The following CACNA1I variants were observed in gnomAD, a reference collection of about 807,000 sequenced individuals.
CACNA1I encodes the protein voltage-dependent T-type calcium channel subunit alpha-1I.
CACNA1I carries 74 observed loss-of-function variants against 201.6 expected under a neutral mutation model. The ratio of observed to expected loss-of-function variants is 0.37; its 90% CI spans 0.30 to 0.45. The LOEUF is 0.45. Ranked by LOEUF, CACNA1I falls within the 20% of genes least tolerant of loss-of-function variation. The probability of loss-of-function intolerance (pLI) is 1.00; values close to 1 mark genes in which losing one functional copy is unlikely to be tolerated. For synonymous variants in CACNA1I, 1,431 were observed against 1,345.2 expected (o/e 1.06, Z -1.40); for missense variants, 2,346 against 3,138.1 (o/e 0.75, Z 6.03).
chr22:39,598,627 C>G (rs1198473601), intron 2 of CACNA1I, among the ~76,000 whole-genome samples: 1 of 152,082 alleles, frequency 6.6e-6, no homozygotes, highest in Non-Finnish European at 1.5e-5. Context: ...ACATGCACAC[C>G]TGCAAAGAAC....
rs59969919 is a variant in CACNA1I at position 39,679,881 on chromosome 22, C to T, written c.5541+13C>T. On this transcript the variant is annotated intron_variant, in intron 33 of 36. Transcript: ENST00000402142. Reference sequence around the variant, plus strand: ...CGACAAGCAAGAGGTAATGGCAGCCCGGGAGGCCTGGCCCCTTGTGGCAGG... The same window carrying T: ...CGACAAGCAAGAGGTAATGGCAGCCTGGGAGGCCTGGCCCCTTGTGGCAGG... The T allele has an allele frequency of 1.1e-4, 171 of 1,608,328 alleles. 1 individual carries two copies. Among genetic ancestry groups the T allele is most frequent in the Middle Eastern group, 4.9e-4 (3 of 6,070 alleles).
intron 3 of CACNA1I, among the ~76,000 whole-genome samples, chr22:39,617,925 G>T (rs1403024859): frequency 6.7e-6 from 1 of 149,278 alleles, no homozygotes; most frequent in Non-Finnish European, 1.5e-5. Flanking sequence ...TCTAGCTCTA[G>T]GTCTCTGTCA....
chr22:39,662,278 C>A lies in CACNA1I; in HGVS notation c.3215C>A (p.Pro1072His). The change falls in exon 17 of 37, where the codon CCC becomes CAC. Residue 1072 changes from proline to histidine, a missense_variant. By Grantham distance (77) the Pro-to-His change is moderately conservative (BLOSUM62 -2). Transcript: ENST00000402142. ...RDSVDLAELV[P>H]AVGAHPRAAW... ...TCGGTGGACCTGGCCGAGCTGGTGC[C>A]CGCGGTGGGCGCCCACCCCCGGGCC... The A allele has an allele frequency of 6.6e-7, 1 of 1,516,054 alleles. No individual in the cohort carries two copies. 93.9% of individuals were successfully genotyped at this position (1,516,054 alleles called of 1,614,324 possible). A position where few individuals can be genotyped will look rare whatever the true frequency, so the allele number is the denominator to read the frequency against.
chr22:39,577,032 A>G (rs1932378797), intron 1 of CACNA1I, among the ~76,000 whole-genome samples: 1 of 151,614 alleles, frequency 6.6e-6, no homozygotes, highest in Non-Finnish European at 1.5e-5. Flanking sequence ...GCTCACTGCA[A>G]CCTTCGCCTC....
chr22:39,646,933 A>C, intron 8 of CACNA1I, 52 bp downstream of exon 8: 1 of 1,446,046 alleles, frequency 6.9e-7, no homozygotes, highest in South Asian at 1.5e-5. Context: ...GCCAAGTGTC[A>C]CTCCTTTCCA....
intron 1 of CACNA1I, among the ~76,000 whole-genome samples, chr22:39,597,420 C>T (rs1932916244): frequency 1.3e-5 from 2 of 152,136 alleles, no homozygotes; most frequent in South Asian, 4.1e-4. Context: ...AGCAGCCTGG[C>T]CAGGTGCAGG....
In CACNA1I at chr22:39,662,397, C is replaced by A. The variant is rs1164566363; in HGVS notation, c.3334C>A (p.Arg1112Ser). 3.4e-6 allele frequency: 5 copies of A among 1,461,890 alleles called. No individual in the cohort carries two copies. Among genetic ancestry groups the A allele is most frequent in the Non-Finnish European group, 4.5e-6 (5 of 1,116,464 alleles). The allele number at this position is 1,461,890 out of a possible 1,614,324, so 90.6% of individuals were successfully genotyped here. ...AKDVFTKMGD[R>S]GDRGEDEEEI... is the part of the protein sequence containing the mutation. ...AGACGTCTTCACCAAGATGGGCGAC[C>A]GCGGGGATCGCGGGGAGGATGAGGA... Residue 1112 changes from arginine (R) to serine (S), a missense_variant, in exon 17 of 37, where the codon CGC (arginine) becomes AGC (serine). Physicochemically the swap from Arg to Ser is moderately radical, Grantham distance 110. This residue lies in a region of CACNA1I where 288 missense variants were observed against 255.2 expected (regional missense o/e 1.13). Transcript: ENST00000402142.
intron 1 of CACNA1I, among the ~76,000 whole-genome samples, chr22:39,581,489 C>T (rs1932546654): frequency 2.6e-5 from 4 of 152,156 alleles, no homozygotes; most frequent in Admixed American, 2.6e-4. Flanking sequence ...CCCTGAGTCA[C>T]CCGTTTGACA....
Position 39,659,888 on chromosome 22 carries a change from G to A in CACNA1I, c.2604+36G>A. 6.2e-7 allele frequency: 1 copy of A among 1,613,060 alleles called. No homozygotes were observed. Among genetic ancestry groups the A allele is most frequent in the Non-Finnish European group, 8.5e-7 (1 of 1,179,428 alleles). On this transcript the variant is annotated intron_variant, in intron 14 of 36. Coordinates refer to ENST00000402142, the MANE Select transcript of CACNA1I (RefSeq NM_021096.4). This position sits in a 1 kb window ranked among gnomAD's most constrained non-coding sequence, Gnocchi z 4.3. ...TCTTGGCAGAGGAAGCACCCCCACAGGGTCTGCGAAAGACTGGGCGAGGGA... is the reference window on the plus strand; with the variant it reads ...TCTTGGCAGAGGAAGCACCCCCACAAGGTCTGCGAAAGACTGGGCGAGGGA...
At chr22:39,583,027 C>CCCAA (rs1932613303) in intron 1 of CACNA1I, among the ~76,000 whole-genome samples, 2 of 120,040 alleles carry the variant, frequency 1.7e-5, no homozygotes, top group East Asian at 2.4e-4. Flanking sequence ...CATCCAAGCA[C>CCCAA]CCAACCATCC....
At chr22:39,658,371 C>A in intron 11 of CACNA1I, 68 bp downstream of exon 11, 1 of 1,468,930 alleles carries the variant, frequency 6.8e-7, no homozygotes, top group Non-Finnish European at 9.4e-7. Flanking sequence ...AGACCCCAGC[C>A]AGCATATAAA....
intron 10 of CACNA1I, among the ~76,000 whole-genome samples, chr22:39,650,737 C>T (rs867887692): frequency 1.3e-5 from 2 of 152,218 alleles, no homozygotes; most frequent in Non-Finnish European, 2.9e-5. Context: ...CATGTCCCTC[C>T]TGTGGGCTGG....
intron 10 of CACNA1I, among the ~76,000 whole-genome samples, chr22:39,653,247 G>C: frequency 6.6e-6 from 1 of 152,120 alleles, no homozygotes; most frequent in Non-Finnish European, 1.5e-5. Context: ...ACCACCCCTG[G>C]GTGCATTTAC....
At chr22:39,644,849 G>A (rs952764921) in intron 7 of CACNA1I, among the ~76,000 whole-genome samples, 16 of 151,964 alleles carry the variant, frequency 1.1e-4, no homozygotes, top group African/African-American at 3.9e-4. Flanking sequence ...CACCATGCCT[G>A]GCTAATGTTT....
In CACNA1I at chr22:39,649,680, G is replaced by A. The variant is rs56859827; in HGVS notation, c.1747G>A (p.Ala583Thr). 2,304 of 1,514,872 alleles carry A rather than the reference G, an allele frequency of 1.5e-3. 9 individuals carry two copies. In the Middle Eastern group the frequency reaches 0.016, roughly 10 times the overall value. 93.8% of individuals were successfully genotyped at this position (1,514,872 alleles called of 1,614,324 possible). A position where few individuals can be genotyped will look rare whatever the true frequency, so the allele number is the denominator to read the frequency against. The change falls in exon 10 of 37, where the codon GCT becomes ACT. Residue 583 changes from alanine (A) to threonine (T), a missense_variant. Around this residue, in one of 13 missense-constraint regions of CACNA1I, gnomAD observed 312 missense variants for 331.5 expected, o/e 0.94. Coordinates refer to ENST00000402142, the MANE Select transcript of CACNA1I (RefSeq NM_021096.4). This position sits in a 1 kb window ranked among gnomAD's most constrained non-coding sequence, Gnocchi z 7.3. The part of the protein sequence containing the change: ...GQEGSGSGSS[A>T]GGEDEADGDG... Reference sequence around the variant, plus strand: ...GGAGGGCTCGGGCTCCGGGAGCTCCGCTGGTGGCGAGGACGAGGCGGATGG... The same window carrying A: ...GGAGGGCTCGGGCTCCGGGAGCTCCACTGGTGGCGAGGACGAGGCGGATGG...
chr22:39,576,482 A>C (rs1027135088), intron 1 of CACNA1I, among the ~76,000 whole-genome samples: 9 of 152,226 alleles, frequency 5.9e-5, no homozygotes, highest in Non-Finnish European at 1.3e-4. Flanking sequence ...TCAGGACAAC[A>C]TTGCCACCTG....
intron 34 of CACNA1I, among the ~76,000 whole-genome samples, chr22:39,681,996 T>C (rs554493460): frequency 1.3e-5 from 2 of 152,200 alleles, no homozygotes; most frequent in African/African-American, 2.4e-5. Context: ...CAGCAAGTCA[T>C]TGGAGGTCGG....
intron 4 of CACNA1I, among the ~76,000 whole-genome samples, chr22:39,620,270 T>TA (rs1569065732): frequency 1.6e-4 from 8 of 50,516 alleles, no homozygotes; most frequent in African/African-American, 4.3e-4. Flanking sequence ...CATCCATCCA[T>TA]CCATCCATAC....
chr22:39,662,740 T>G (rs1935066926), intron 17 of CACNA1I, 36 bp from the exon 18 acceptor site: 1 of 1,451,212 alleles, frequency 6.9e-7, no homozygotes, highest in Non-Finnish European at 9.5e-7. Context: ...ACCCTGCGCA[T>G]CGCTGACCCC....
Sources: allele counts gnomAD v4.1 joint callset (sites outside exome capture counted in the v4.1 genomes callset), GRCh38; gene constraint gnomAD v4.1.1; regional missense constraint gnomAD v4.1.1; non-coding constraint Gnocchi (gnomAD v3.1); transcripts MANE v1.5; gene names NCBI Gene and HGNC (gene_info 2026-07-23, HGNC 2026-07-21).